ATP8A2: variants seen among roughly 807,000 people sequenced by gnomAD.
ATP8A2 encodes phospholipid-transporting ATPase IB.
ATP8A2 carries 100 observed loss-of-function variants against 165.6 expected under a neutral mutation model. The ratio of observed to expected loss-of-function variants is 0.60; its 90% CI spans 0.51 to 0.71. The LOEUF (loss-of-function observed/expected upper bound fraction) is 0.71. Among genes scored for constraint, ATP8A2 ranks in the 30% least tolerant of loss-of-function variants. The probability of loss-of-function intolerance (pLI) is 0.00; values close to 1 mark genes in which losing one functional copy is unlikely to be tolerated. For missense variants in ATP8A2, 1,227 were observed against 1,479.5 expected (o/e 0.83, Z 2.80); for synonymous variants, 543 against 548.8 (o/e 0.99, Z 0.15).
intron 30 of ATP8A2, among the ~76,000 whole-genome samples, chr13:25,846,040 G>T (rs1270512669): frequency 6.6e-6 from 1 of 152,194 alleles, no homozygotes. Context: ...GCTGGGCTTG[G>T]TGGCGCATGC....
chr13:25,535,999 T>C (rs1240538929), intron 6 of ATP8A2, among the ~76,000 whole-genome samples: 1 of 152,188 alleles, frequency 6.6e-6, no homozygotes, highest in Non-Finnish European at 1.5e-5. Context: ...AAAAATCCAC[T>C]GCCTTTTTTC....
At chr13:25,813,280 G>A (rs762856233) in intron 27 of ATP8A2, among the ~76,000 whole-genome samples, 2 of 152,046 alleles carry the variant, frequency 1.3e-5, no homozygotes, top group Non-Finnish European at 2.9e-5. Context: ...CAGGATGTTA[G>A]CCAGTTGGTC....
chr13:25,586,975 C>A (rs1002955412), intron 23 of ATP8A2, among the ~76,000 whole-genome samples: 9 of 152,150 alleles, frequency 5.9e-5, no homozygotes, highest in African/African-American at 2.2e-4. Flanking sequence ...AGTAGAAAGA[C>A]TAAACCCTTT....
At chr13:25,577,217 T>G in intron 20 of ATP8A2, 79 bp downstream of exon 20, 1 of 1,181,440 alleles carries the variant, frequency 8.5e-7, no homozygotes, top group Admixed American at 1.7e-5. Context: ...ACTGCTTTCC[T>G]CATCATTCCC....
chr13:25,386,294 AC>A (rs2033042558), intron 1 of ATP8A2, among the ~76,000 whole-genome samples: 1 of 152,178 alleles, frequency 6.6e-6, no homozygotes, highest in South Asian at 2.1e-4. Context: ...TTCCCGAGAA[AC>A]AAAACCAGTT....
intron 35 of ATP8A2, among the ~76,000 whole-genome samples, chr13:25,981,567 C>T (rs964102023): frequency 1.3e-5 from 2 of 152,112 alleles, no homozygotes; most frequent in African/African-American, 4.8e-5. Context: ...AGCAAGTTAA[C>T]TTGAAAATAT....
chr13:25,840,087 C>T (rs77004094), intron 30 of ATP8A2, among the ~76,000 whole-genome samples: 1,815 of 151,976 alleles, frequency 0.012, 14 homozygotes, highest in Middle Eastern at 0.02. Context: ...CCTTGATGTA[C>T]GCCTTTTGAA....
intron 33 of ATP8A2, among the ~76,000 whole-genome samples, chr13:25,943,990 A>C (rs1033062797): frequency 1.3e-5 from 2 of 152,260 alleles, no homozygotes; most frequent in Non-Finnish European, 2.9e-5. Context: ...GTTACATTTT[A>C]AGCAAAATAG....
intron 24 of ATP8A2, among the ~76,000 whole-genome samples, chr13:25,648,466 C>G (rs2041731777): frequency 6.6e-6 from 1 of 152,104 alleles, no homozygotes; most frequent in South Asian, 2.1e-4. Flanking sequence ...GAGATTGAGA[C>G]TATCCTGGCC....
intron 1 of ATP8A2, among the ~76,000 whole-genome samples, chr13:25,452,742 A>G (rs2138244142): frequency 6.6e-6 from 1 of 152,278 alleles, no homozygotes; most frequent in Non-Finnish European, 1.5e-5. Flanking sequence ...TGCAACTTTA[A>G]ACTTTTGAAA....
At chr13:25,459,688 T>G (rs1177028192) in intron 1 of ATP8A2, among the ~76,000 whole-genome samples, 1 of 152,176 alleles carries the variant, frequency 6.6e-6, no homozygotes, top group Non-Finnish European at 1.5e-5. Flanking sequence ...AAGAAGTTAG[T>G]TAGCAAAGAC....
At chr13:25,977,216 T>C (rs1457195589) in intron 35 of ATP8A2, among the ~76,000 whole-genome samples, 1 of 152,008 alleles carries the variant, frequency 6.6e-6, no homozygotes, top group Non-Finnish European at 1.5e-5. Context: ...AAAAATTAAT[T>C]GAATGCGTTT....
intron 25 of ATP8A2, among the ~76,000 whole-genome samples, chr13:25,739,849 T>A (rs781620714): frequency 2.6e-5 from 4 of 152,096 alleles, no homozygotes; most frequent in Non-Finnish European, 4.4e-5. Flanking sequence ...GCTTGGAAAG[T>A]GCACACTAAT....
intron 18 of ATP8A2, among the ~76,000 whole-genome samples, chr13:25,574,457 A>G (rs1411220148): frequency 6.6e-6 from 1 of 152,244 alleles, no homozygotes; most frequent in African/African-American, 2.4e-5. Flanking sequence ...TGCTGGGGAC[A>G]TTATGATAGA....
At chr13:25,952,887 A>C (rs910648491) in intron 33 of ATP8A2, among the ~76,000 whole-genome samples, 1 of 152,232 alleles carries the variant, frequency 6.6e-6, no homozygotes, top group Non-Finnish European at 1.5e-5. Flanking sequence ...AAAGGTTCAT[A>C]GTAAAAAGAG....
intron 24 of ATP8A2, among the ~76,000 whole-genome samples, chr13:25,694,810 A>G (rs73154527): frequency 0.1 from 15,922 of 152,142 alleles, 957 homozygotes; most frequent in East Asian, 0.26. Flanking sequence ...AGCTGGGACT[A>G]CAGGCATGCA....
At chr13:25,903,262 C>CAAAA (rs1460935413) in intron 33 of ATP8A2, among the ~76,000 whole-genome samples, 73 of 152,306 alleles carry the variant, frequency 4.8e-4, no homozygotes, top group Non-Finnish European at 7.9e-4. Flanking sequence ...CAAACAGCCC[C>CAAAA]CAGATATGGC....
intron 36 of ATP8A2, among the ~76,000 whole-genome samples, chr13:26,015,429 T>A (rs905703033): frequency 3.3e-5 from 5 of 152,216 alleles, no homozygotes; most frequent in Non-Finnish European, 5.9e-5. Flanking sequence ...ATATTTGTAA[T>A]CAGCATTTCC....
chr13:25,510,257 T>C (rs2037183164), intron 2 of ATP8A2, among the ~76,000 whole-genome samples: 2 of 151,542 alleles, frequency 1.3e-5, no homozygotes, highest in Admixed American at 1.3e-4. Context: ...TTACAGATTG[T>C]ACACTTTGGG....
Sources: gnomAD v4.1 joint callset for allele counts (sites outside exome capture counted in the v4.1 genomes callset) on GRCh38, gnomAD v4.1.1 for gene constraint, MANE v1.5 for transcripts, NCBI Gene and HGNC (gene_info 2026-07-23, HGNC 2026-07-21) for gene names.